NKD1: variants seen among roughly 807,000 people sequenced by gnomAD.
NKD1 encodes the protein protein naked cuticle homolog 1.
Under a neutral mutation model 56.0 loss-of-function variants are expected in NKD1, and 21 were observed. The ratio of observed to expected loss-of-function variants is 0.38; its 90% CI spans 0.27 to 0.54. NKD1 has a LOEUF of 0.54. Ranked by LOEUF, NKD1 falls within the 20% of genes least tolerant of loss-of-function variation. The pLI is 0.82. For synonymous variants in NKD1, 263 were observed against 265.7 expected, an observed-to-expected ratio of 0.99 and a Z score of 0.10; for missense variants, 578 against 642.7, an observed-to-expected ratio of 0.90 and a Z score of 1.09.
At chr16:50,603,444 G>A (rs543292736) in intron 3 of NKD1, among the ~76,000 whole-genome samples, 29 of 152,332 alleles carry the variant, frequency 1.9e-4, no homozygotes, top group Non-Finnish European at 3.2e-4. Flanking sequence ...TAGGCTGCTC[G>A]GATCTAAGGG....
At position 50,623,590 on chromosome 16, in the gene NKD1, CAACTG is replaced by C. The variant is rs1962141000; in HGVS notation, c.366+1884_366+1888del. 6.6e-6 allele frequency among the ~76,000 whole-genome samples: 1 copy of C among 152,112 alleles called. No homozygotes were observed. Among genetic ancestry groups the C allele is most frequent in the African/African-American group, 2.4e-5 (1 of 41,426 alleles). ...TGAGCTGTGGTCCATGGGCAGGACT[CAACTG>C]AGCTGAGAAGCCCAGGTGGGGTGTG... On this transcript the variant is annotated intron_variant, in intron 5 of 9. Transcript: ENST00000268459. The surrounding 1 kb of genome is among the most constrained non-coding windows in gnomAD (Gnocchi z 4.1).
chr16:50,596,374 A>AT (rs5816706), intron 3 of NKD1, among the ~76,000 whole-genome samples: 68 of 149,244 alleles, frequency 4.6e-4, no homozygotes, highest in Non-Finnish European at 8.1e-4. Context: ...ATGTTTTAGC[A>AT]TTTTTTTTTT....
chr16:50,563,818 A>G (rs1047293595), intron 3 of NKD1, among the ~76,000 whole-genome samples: 1 of 143,358 alleles, frequency 7.0e-6, no homozygotes. Context: ...GTCAGGCTAA[A>G]CTCCATCCTC....
At chr16:50,593,222 G>T (rs748309884) in intron 3 of NKD1, among the ~76,000 whole-genome samples, 2 of 152,116 alleles carry the variant, frequency 1.3e-5, no homozygotes, top group African/African-American at 4.8e-5. Context: ...GAGGAGGAGC[G>T]AGTGAGCAGG....
rs1962312984 is a variant in NKD1 at position 50,630,253 on chromosome 16, C to G, written c.530C>G (p.Ser177Cys). The G allele has an allele frequency of 1.2e-6, 2 of 1,614,156 alleles. No individual in the cohort carries two copies. Among genetic ancestry groups the G allele is most frequent in the Non-Finnish European group, 1.7e-6 (2 of 1,180,012 alleles). Residue 177 changes from serine to cysteine, a missense_variant, in exon 7 of 10, where the codon TCC (serine) becomes TGC (cysteine). Transcript: ENST00000268459. ...TCCTCTGTCAACCACTCCCCAACATCCAGCAAGATGCTGCGGGTAAAGCTC... is the reference window on the plus strand; with the variant it reads ...TCCTCTGTCAACCACTCCCCAACATGCAGCAAGATGCTGCGGGTAAAGCTC... ...VDSSVNHSPT[S>C]SKMLRVKLTV...
chr16:50,580,779 G>A (rs1961100414), intron 3 of NKD1, among the ~76,000 whole-genome samples: 1 of 152,190 alleles, frequency 6.6e-6, no homozygotes, highest in Admixed American at 6.5e-5. Flanking sequence ...ATATTCAAGT[G>A]GAGCTGAATG....
chr16:50,634,045 G>A lies in NKD1; in HGVS notation c.*264G>A, dbSNP rs1005613378. Reference sequence around the variant, plus strand: ...GCCTGTAATGGGCAGAGGCTCCCTCGGGGCTCGGGATCTGCAGCATCTATG... The same window carrying A: ...GCCTGTAATGGGCAGAGGCTCCCTCAGGGCTCGGGATCTGCAGCATCTATG... On this transcript the variant is annotated 3_prime_UTR_variant, in exon 10 of 10. Transcript: ENST00000268459. The A allele has an allele frequency of 1.2e-5, 4 of 334,658 alleles. No individual in the cohort carries two copies. Among genetic ancestry groups the A allele is most frequent in the African/African-American group, 8.6e-5 (4 of 46,720 alleles). 20.7% of individuals were successfully genotyped at this position (334,658 alleles called of 1,614,324 possible). A position where few individuals can be genotyped will look rare whatever the true frequency, so the allele number is the denominator to read the frequency against.
chr16:50,612,304 C>T (rs551945303), intron 4 of NKD1, among the ~76,000 whole-genome samples: 1 of 152,344 alleles, frequency 6.6e-6, no homozygotes, highest in South Asian at 2.1e-4. Flanking sequence ...GAGGCCTGTA[C>T]TTCCTTTCAT....
chr16:50,625,098 C>T, intron 5 of NKD1: 1 of 267,952 alleles, frequency 3.7e-6, no homozygotes, highest in Non-Finnish European at 7.3e-6. Flanking sequence ...CATGCTCATG[C>T]TGTCCTACCC....
At chr16:50,585,345 G>T (rs575293079) in intron 3 of NKD1, among the ~76,000 whole-genome samples, 2 of 152,322 alleles carry the variant, frequency 1.3e-5, no homozygotes, top group African/African-American at 4.8e-5. Flanking sequence ...GTAGGGCCTT[G>T]GTGGGAGCAG....
In NKD1 at chr16:50,590,818, TTTG is replaced by T. The variant is rs562142912; in HGVS notation, c.193-17460_193-17458del. Among the ~76,000 whole-genome samples, 1,417 of 152,176 alleles carry T rather than the reference TTTG, an allele frequency of 9.3e-3. 17 individuals are homozygous for T. The highest frequency in any genetic ancestry group is 0.031 in the African/African-American group (1,301 of 41,496). ...GTGGCCATTAGCATTAAGCCTTTTT[TTTG>T]TTGTTGTTGTTGTTGAGATGGAGTC... On this transcript the variant is annotated intron_variant, in intron 3 of 9. Coordinates refer to ENST00000268459, the MANE Select transcript of NKD1 (RefSeq NM_033119.5).
chr16:50,578,941 A>T (rs956625225), intron 3 of NKD1, among the ~76,000 whole-genome samples: 1 of 152,174 alleles, frequency 6.6e-6, no homozygotes, highest in Admixed American at 6.5e-5. Flanking sequence ...CCTCAGCCAC[A>T]TATCACATGG....
rs1960287864 is a variant in NKD1 at position 50,548,540 on chromosome 16, G to C, written c.-14G>C. ...GCATGGCTTAGGGACGCTCCCGGCC[G>C]CCGCAGCCCCAGCATGGGGAAACTT... On this transcript the variant is annotated 5_prime_UTR_variant, in exon 1 of 10. Transcript: ENST00000268459. 1 of 1,463,572 alleles carries C rather than the reference G, an allele frequency of 6.8e-7. No homozygotes were observed. The highest frequency in any genetic ancestry group is 9.0e-7 in the Non-Finnish European group (1 of 1,112,966). The allele number at this position is 1,463,572 out of a possible 1,614,324, so 90.7% of individuals were successfully genotyped here.
chr16:50,562,360 T>C (rs577476265), intron 3 of NKD1: 2 of 728,044 alleles, frequency 2.7e-6, no homozygotes, highest in South Asian at 1.2e-4. Flanking sequence ...TGTCAAGGAC[T>C]ATTTCCCTGA....
At chr16:50,627,176 G>GT (rs1174526397) in intron 6 of NKD1, among the ~76,000 whole-genome samples, 2 of 152,154 alleles carry the variant, frequency 1.3e-5, no homozygotes, top group Non-Finnish European at 2.9e-5. Context: ...ATTGGCTCAT[G>GT]TAACTGAAAT....
chr16:50,606,995 C>G, intron 3 of NKD1: 1 of 457,006 alleles, frequency 2.2e-6, no homozygotes. Context: ...AGCCAGTTTA[C>G]AAGCCCAGGA....
At chr16:50,571,861 G>C (rs1229038555) in intron 3 of NKD1, among the ~76,000 whole-genome samples, 6 of 152,132 alleles carry the variant, frequency 3.9e-5, no homozygotes, top group Non-Finnish European at 8.8e-5. Context: ...ACAGTCCTTA[G>C]AGGAACATCT....
intron 4 of NKD1, among the ~76,000 whole-genome samples, chr16:50,613,241 G>A (rs555537875): frequency 5.9e-5 from 9 of 152,254 alleles, no homozygotes; most frequent in African/African-American, 2.2e-4. Context: ...TGGGATACCT[G>A]GTGATTGGAG....
At chr16:50,629,836 A>G (rs1394321285) in intron 6 of NKD1, among the ~76,000 whole-genome samples, 1 of 152,216 alleles carries the variant, frequency 6.6e-6, no homozygotes, top group Non-Finnish European at 1.5e-5. Context: ...GCAGTGAGGA[A>G]TGAGAGTCCA....
Sources: gnomAD v4.1 joint callset for allele counts (sites outside exome capture counted in the v4.1 genomes callset) on GRCh38, gnomAD v4.1.1 for gene constraint, Gnocchi (gnomAD v3.1) non-coding constraint, MANE v1.5 for transcripts, NCBI Gene and HGNC (gene_info 2026-07-23, HGNC 2026-07-21) for gene names.